The following FOXP1 variants were observed in gnomAD, a reference collection of about 807,000 sequenced individuals.
The protein encoded by FOXP1 is forkhead box P1.
In FOXP1, 15 loss-of-function variants were observed where a neutral mutation model predicts 98.2. That is an observed-to-expected ratio of 0.15 (90% CI 0.10 to 0.24). The LOEUF (loss-of-function observed/expected upper bound fraction) is 0.24. FOXP1 is among the 10% of genes least tolerant of loss of function. FOXP1 has a pLI of 1.00. For synonymous variants in FOXP1, 371 were observed against 314.5 expected, an observed-to-expected ratio of 1.18 and a Z score of -1.90; for missense variants, 633 against 848.5, an observed-to-expected ratio of 0.75 and a Z score of 3.15.
chr3:71,582,129 C>A, intron 1 of FOXP1: 32 of 984,024 alleles, frequency 3.3e-5, no homozygotes, highest in Non-Finnish European at 3.9e-5. Context: ...GGGGGGCATG[C>A]GACTTTGTTT....
At chr3:71,411,278 C>CGTGTGT (rs58267668) in intron 3 of FOXP1, among the ~76,000 whole-genome samples, 8,493 of 141,710 alleles carry the variant, frequency 0.06, 314 homozygotes, top group Middle Eastern at 0.094. Context: ...GCTGAATGGG[C>CGTGTGT]GTGTGTGTGT....
intron 3 of FOXP1, among the ~76,000 whole-genome samples, chr3:71,427,431 C>T (rs936377676): frequency 3.3e-5 from 5 of 152,120 alleles, no homozygotes; most frequent in South Asian, 2.1e-4. Flanking sequence ...GTAAAGCTAG[C>T]GAGAACTGGA....
intron 7 of FOXP1, among the ~76,000 whole-genome samples, chr3:71,088,394 T>TTTTG (rs1491539328): frequency 1.3e-4 from 17 of 127,818 alleles, no homozygotes; most frequent in East Asian, 6.9e-4. Context: ...CATTGTTTTG[T>TTTTG]TTTTTGTTTT....
intron 3 of FOXP1, among the ~76,000 whole-genome samples, chr3:71,376,283 C>A (rs2079705338): frequency 6.6e-6 from 1 of 152,072 alleles, no homozygotes; most frequent in Non-Finnish European, 1.5e-5. Context: ...CATGATGTGG[C>A]TGAGTTCCCA....
At chr3:71,390,437 G>A (rs2080946454) in intron 3 of FOXP1, among the ~76,000 whole-genome samples, 1 of 152,170 alleles carries the variant, frequency 6.6e-6, no homozygotes, top group South Asian at 2.1e-4. Context: ...CAAAGGAAGT[G>A]TTCACTGCAA....
rs115752667 is a variant in FOXP1, at chr3:71,269,007, C to T, written c.-12+30813G>A. ...ACAAAAATCTGGGAAGGTAAATGAA[C>T]GTAGACAGATAGAAACTTCACTCTG... On this transcript the variant is annotated intron_variant, in intron 5 of 20. Transcript: ENST00000649528. 9.3e-3 allele frequency among the ~76,000 whole-genome samples: 1,418 copies of T among 151,982 alleles called. 5 individuals are homozygous for T. The highest frequency in any genetic ancestry group is 0.017 in the Non-Finnish European group (1,138 of 67,996).
intron 6 of FOXP1, among the ~76,000 whole-genome samples, chr3:71,145,206 A>C (rs539179797): frequency 6.6e-6 from 1 of 152,202 alleles, no homozygotes; most frequent in South Asian, 2.1e-4. Context: ...GAGTATGAGT[A>C]ACTGTATGTT....
chr3:71,083,520 G>A lies in FOXP1; in HGVS notation c.282+29016C>T, dbSNP rs527680158. Among the ~76,000 whole-genome samples, 117 of 152,300 alleles carry A rather than the reference G, an allele frequency of 7.7e-4. 3 individuals are homozygous for A. In the South Asian group the frequency reaches 0.024, roughly 31 times the overall value. On this transcript the variant is annotated intron_variant, in intron 7 of 20. Transcript: ENST00000649528. ...CTCCACAGTGACTGGTTCATGTATA[G>A]ATAAGTGACCCAAGTCACTCAATTG...
chr3:71,318,700 T>C (rs2075222523), intron 4 of FOXP1, among the ~76,000 whole-genome samples: 1 of 152,188 alleles, frequency 6.6e-6, no homozygotes, highest in Non-Finnish European at 1.5e-5. Flanking sequence ...GTTTTCTCTG[T>C]CATGTGTTGC....
rs180865720 is a variant in FOXP1 at position 71,384,398 on chromosome 3, G to A, written c.-167-25154C>T. Among the ~76,000 whole-genome samples, 512 of 152,222 alleles carry A rather than the reference G, an allele frequency of 3.4e-3. 2 individuals carry two copies. Among genetic ancestry groups the A allele is most frequent in the Admixed American group, 5.8e-3 (89 of 15,288 alleles). On this transcript the variant is annotated intron_variant, in intron 3 of 20. Coordinates refer to ENST00000649528, the MANE Select transcript of FOXP1 (RefSeq NM_001349338.3). ...CTCTGAGAGAAGAGAGAAAAGCAAC[G>A]GAAACAAGGAATATCAAGAGTTCTC...
chr3:71,379,254 A>C (rs1300339296), intron 3 of FOXP1, among the ~76,000 whole-genome samples: 1 of 152,176 alleles, frequency 6.6e-6, no homozygotes, highest in African/African-American at 2.4e-5. Context: ...CTAAGGCTCC[A>C]GACTTGAACC....
intron 4 of FOXP1, among the ~76,000 whole-genome samples, chr3:71,340,111 A>G (rs1302513696): frequency 1.3e-5 from 2 of 152,178 alleles, no homozygotes; most frequent in African/African-American, 4.8e-5. Context: ...GTGTGTGTGC[A>G]TGGGTGCTTG....
chr3:71,523,789 T>C (rs2043166376), intron 2 of FOXP1, among the ~76,000 whole-genome samples: 1 of 152,198 alleles, frequency 6.6e-6, no homozygotes, highest in Non-Finnish European at 1.5e-5. Context: ...GGCCCTAAAA[T>C]GAATTCAGAT....
chr3:71,389,401 T>C (rs2080870519), intron 3 of FOXP1, among the ~76,000 whole-genome samples: 2 of 152,130 alleles, frequency 1.3e-5, no homozygotes, highest in African/African-American at 2.4e-5. Flanking sequence ...TCTCGATAGG[T>C]AGCAGGTTTA....
intron 12 of FOXP1, among the ~76,000 whole-genome samples, chr3:71,013,936 T>C (rs1290004108): frequency 6.6e-6 from 1 of 152,194 alleles, no homozygotes; most frequent in African/African-American, 2.4e-5. Context: ...CTGGGAAAAC[T>C]GGCTAGCCAT....
intron 6 of FOXP1, among the ~76,000 whole-genome samples, chr3:71,113,807 T>C (rs922394669): frequency 1.4e-5 from 2 of 147,664 alleles, no homozygotes; most frequent in African/African-American, 5.0e-5. Context: ...TAAACCGCCA[T>C]GAAGACATTC....
chr3:71,059,234 C>T (rs1248988603), intron 7 of FOXP1, among the ~76,000 whole-genome samples: 6 of 152,132 alleles, frequency 3.9e-5, no homozygotes, highest in Non-Finnish European at 8.8e-5. Flanking sequence ...GGCTCGCCTG[C>T]CAATCAGGAG....
chr3:71,486,616 GAAATA>G (rs1232273631), intron 3 of FOXP1, among the ~76,000 whole-genome samples: 1 of 152,146 alleles, frequency 6.6e-6, no homozygotes, highest in Non-Finnish European at 1.5e-5. Flanking sequence ...GCAACATATT[GAAATA>G]AAATTAAAAT....
At chr3:71,540,672 T>C (rs2044732129) in intron 2 of FOXP1, among the ~76,000 whole-genome samples, 1 of 152,176 alleles carries the variant, frequency 6.6e-6, no homozygotes, top group Non-Finnish European at 1.5e-5. Flanking sequence ...CCTGGAGATG[T>C]CAGGGTAATT....
Sources: gnomAD v4.1 joint callset for allele counts (sites outside exome capture counted in the v4.1 genomes callset) on GRCh38, gnomAD v4.1.1 for gene constraint, MANE v1.5 for transcripts, NCBI Gene and HGNC (gene_info 2026-07-23, HGNC 2026-07-21) for gene names.